SUMF1: variants seen among roughly 807,000 people sequenced by gnomAD.
The protein encoded by SUMF1 is formylglycine-generating enzyme.
In SUMF1, 48 loss-of-function variants were observed where a neutral mutation model predicts 47.6. That is an observed-to-expected ratio of 1.01 (90% CI 0.80 to 1.28). SUMF1 has a LOEUF of 1.28. Among genes scored for constraint, SUMF1 ranks in the 50% most tolerant of loss-of-function variants. The pLI is 0.00. For synonymous variants in SUMF1, 230 were observed against 192.1 expected (o/e 1.20, Z -1.63); for missense variants, 571 against 485.4 (o/e 1.18, Z -1.66).
chr3:4,313,400 G>A (rs1045589782), intron 8 of SUMF1: 3 of 1,613,946 alleles, frequency 1.9e-6, no homozygotes, highest in Non-Finnish European at 2.5e-6. Context: ...AATATTGGAA[G>A]ATTCCTTAAT....
chr3:4,394,842 G>A (rs1161499367), intron 7 of SUMF1, among the ~76,000 whole-genome samples: 2 of 152,278 alleles, frequency 1.3e-5, no homozygotes, highest in East Asian at 1.9e-4. Flanking sequence ...AGCTTCTCCT[G>A]TATGAAATCC....
chr3:4,305,594 T>G (rs1169321405), intron 8 of SUMF1, among the ~76,000 whole-genome samples: 1 of 152,208 alleles, frequency 6.6e-6, no homozygotes, highest in Admixed American at 6.5e-5. Flanking sequence ...CCAGGGCAAT[T>G]TCAAGATATG....
chr3:4,044,095 A>G (rs1398374704), intron 9 of SUMF1, among the ~76,000 whole-genome samples: 1 of 152,178 alleles, frequency 6.6e-6, no homozygotes, highest in Non-Finnish European at 1.5e-5. Context: ...GAGGTTACAC[A>G]TAACCTATAA....
At chr3:4,104,945 A>G (rs940322607) in intron 8 of SUMF1, among the ~76,000 whole-genome samples, 3 of 152,228 alleles carry the variant, frequency 2.0e-5, no homozygotes, top group African/African-American at 7.2e-5. Flanking sequence ...TTTCAGCATT[A>G]CTCACAATTG....
At chr3:4,226,138 T>G (rs1244876698) in intron 8 of SUMF1, among the ~76,000 whole-genome samples, 1 of 152,136 alleles carries the variant, frequency 6.6e-6, no homozygotes, top group Non-Finnish European at 1.5e-5. Flanking sequence ...TAGTAAGCAT[T>G]CAATAAATTG....
intron 8 of SUMF1, among the ~76,000 whole-genome samples, chr3:4,191,122 C>T (rs758706107): frequency 6.6e-6 from 1 of 152,138 alleles, no homozygotes; most frequent in Non-Finnish European, 1.5e-5. Flanking sequence ...CAAGCCTGAA[C>T]ATTCTGGCAG....
chr3:4,077,907 A>G (rs1002512639), intron 8 of SUMF1, among the ~76,000 whole-genome samples: 1 of 152,124 alleles, frequency 6.6e-6, no homozygotes, highest in Non-Finnish European at 1.5e-5. Context: ...TAGTAAGTAA[A>G]AAGACCATGC....
At chr3:4,349,729 T>C (rs929485282) in intron 8 of SUMF1, among the ~76,000 whole-genome samples, 2 of 151,978 alleles carry the variant, frequency 1.3e-5, no homozygotes, top group East Asian at 1.9e-4. Flanking sequence ...CAAACTAACA[T>C]AGGAACAGAA....
intron 8 of SUMF1, among the ~76,000 whole-genome samples, chr3:4,211,453 T>C (rs1258610071): frequency 6.6e-6 from 1 of 151,756 alleles, no homozygotes; most frequent in Non-Finnish European, 1.5e-5. Context: ...ATTAGTTTGC[T>C]AAGATAATGG....
intron 8 of SUMF1, among the ~76,000 whole-genome samples, chr3:4,157,873 C>A (rs988234953): frequency 6.6e-6 from 1 of 151,498 alleles, no homozygotes; most frequent in African/African-American, 2.4e-5. Context: ...GATGCTAATC[C>A]CACAAGAATG....
At chr3:4,313,576 G>C (rs1698512124) in intron 8 of SUMF1, 1 of 1,614,086 alleles carries the variant, frequency 6.2e-7, no homozygotes, top group Non-Finnish European at 8.5e-7. Flanking sequence ...AGAAAGGCTA[G>C]ATCATGGGAA....
At chr3:4,137,019 T>A (rs1487588254) in intron 8 of SUMF1, among the ~76,000 whole-genome samples, 1 of 152,122 alleles carries the variant, frequency 6.6e-6, no homozygotes, top group Admixed American at 6.6e-5. Context: ...TTTACACTGT[T>A]GGTGGGACTG....
chr3:4,123,551 C>T (rs1693591768), intron 8 of SUMF1, among the ~76,000 whole-genome samples: 1 of 152,120 alleles, frequency 6.6e-6, no homozygotes. Flanking sequence ...CAGTATGAAA[C>T]ACATGTATTG....
chr3:4,293,780 T>C (rs1337643181), intron 8 of SUMF1, among the ~76,000 whole-genome samples: 1 of 152,188 alleles, frequency 6.6e-6, no homozygotes, highest in Non-Finnish European at 1.5e-5. Flanking sequence ...GCACAACCCT[T>C]AGTAAAAACA....
intron 8 of SUMF1, among the ~76,000 whole-genome samples, chr3:4,152,751 A>G (rs1003692895): frequency 6.6e-6 from 1 of 151,570 alleles, no homozygotes; most frequent in Non-Finnish European, 1.5e-5. Flanking sequence ...TGAGGCTAGT[A>G]ACAACCATTA....
At chr3:4,261,419 T>A (rs1275945181) in intron 8 of SUMF1, among the ~76,000 whole-genome samples, 3 of 152,238 alleles carry the variant, frequency 2.0e-5, no homozygotes, top group African/African-American at 7.2e-5. Context: ...TTTACTTAAA[T>A]GTCTGCCTTT....
At chr3:4,217,599 T>C (rs916779714) in intron 8 of SUMF1, among the ~76,000 whole-genome samples, 1 of 130,670 alleles carries the variant, frequency 7.7e-6, no homozygotes, top group Admixed American at 8.5e-5. Context: ...TGTATATATT[T>C]CACGATTTCT....
intron 8 of SUMF1, among the ~76,000 whole-genome samples, chr3:4,276,053 G>A (rs1697408724): frequency 6.6e-6 from 1 of 152,116 alleles, no homozygotes. Flanking sequence ...GATCTGTGTG[G>A]TTCCAAGTTC....
chr3:4,045,574 A>G (rs986208918), intron 9 of SUMF1, among the ~76,000 whole-genome samples: 5 of 152,138 alleles, frequency 3.3e-5, no homozygotes, highest in African/African-American at 1.2e-4. Flanking sequence ...TAGAATTACT[A>G]TTTGATTTGA....
Sources: gnomAD v4.1 joint callset for allele counts (sites outside exome capture counted in the v4.1 genomes callset) on GRCh38, gnomAD v4.1.1 for gene constraint, MANE v1.5 for transcripts, NCBI Gene and HGNC (gene_info 2026-07-23, HGNC 2026-07-21) for gene names.